ACCSL: variants seen among roughly 807,000 people sequenced by gnomAD.
The protein encoded by ACCSL is 1-aminocyclopropane-1-carboxylate synthase homolog (inactive) like.
Under a neutral mutation model 61.7 loss-of-function variants are expected in ACCSL, and 55 were observed. That is an observed-to-expected ratio of 0.89 (90% CI 0.72 to 1.12). The LOEUF is 1.12. Ranked by LOEUF, ACCSL falls within the 50% of genes most tolerant of loss-of-function variation. The probability of loss-of-function intolerance (pLI) is 0.00; values close to 1 mark genes in which losing one functional copy is unlikely to be tolerated. For synonymous variants in ACCSL, 258 were observed against 264.3 expected, an observed-to-expected ratio of 0.98 and a Z score of 0.23; for missense variants, 632 against 698.0, an observed-to-expected ratio of 0.91 and a Z score of 1.07.
the ACCSL span, among the ~76,000 whole-genome samples, chr11:43,957,309 G>C: frequency 6.6e-6 from 1 of 151,700 alleles, no homozygotes; most frequent in Non-Finnish European, 1.5e-5. Flanking sequence ...AAGTGGGGTG[G>C]GGTGGGAGGA....
At chr11:43,933,446 C>T in the ACCSL span, 2 of 232,022 alleles carry the variant, frequency 8.6e-6, no homozygotes, top group African/African-American at 2.2e-5. Context: ...TCCCTCCCCT[C>T]TCTGGTCTTC....
At chr11:44,023,054 TTTTTTTTTC>T in the ACCSL span, among the ~76,000 whole-genome samples, 1 of 125,776 alleles carries the variant, frequency 8.0e-6, no homozygotes, top group Non-Finnish European at 1.7e-5. Context: ...TTTTTTTTTT[TTTTTTTTTC>T]GAGAAAGAGT....
the ACCSL span, among the ~76,000 whole-genome samples, chr11:43,929,616 A>G: frequency 6.6e-6 from 1 of 152,152 alleles, no homozygotes; most frequent in African/African-American, 2.4e-5. Flanking sequence ...CATGTTGGCC[A>G]GGCTGGTCTA....
At chr11:43,948,328 T>C in the ACCSL span, among the ~76,000 whole-genome samples, 2 of 150,498 alleles carry the variant, frequency 1.3e-5, no homozygotes, top group Non-Finnish European at 3.0e-5. Flanking sequence ...CACCATTCAG[T>C]GAGCACCTCC....
upstream of ACCSL, among the ~76,000 whole-genome samples, chr11:44,046,034 C>T (rs1272109451): frequency 1.3e-5 from 2 of 152,134 alleles, no homozygotes; most frequent in Non-Finnish European, 2.9e-5. Context: ...GAAGGCAAAA[C>T]CAAAGGAATC....
chr11:44,000,002 A>G, the ACCSL span, among the ~76,000 whole-genome samples: 66,997 of 152,140 alleles, frequency 0.44, 15,365 homozygotes, highest in Middle Eastern at 0.56. Flanking sequence ...GAAGGGGCCA[A>G]GCACGGTGTA....
the ACCSL span, chr11:43,944,893 G>A: frequency 1.3e-5 from 2 of 152,786 alleles, no homozygotes; most frequent in Non-Finnish European, 2.9e-5. Flanking sequence ...ACCCTGACAG[G>A]TTTAGGGCTC....
the ACCSL span, among the ~76,000 whole-genome samples, chr11:44,030,754 T>C: frequency 3.3e-5 from 5 of 152,172 alleles, no homozygotes; most frequent in African/African-American, 1.2e-4. Context: ...AAAATTCTTA[T>C]CTTGTTTGTG....
At chr11:43,982,085 G>A in the ACCSL span, among the ~76,000 whole-genome samples, 1 of 152,102 alleles carries the variant, frequency 6.6e-6, no homozygotes, top group Non-Finnish European at 1.5e-5. Flanking sequence ...GGGTGACAGA[G>A]CCCAAGCCTC....
the ACCSL span, among the ~76,000 whole-genome samples, chr11:44,027,834 G>T: frequency 6.6e-6 from 1 of 152,168 alleles, no homozygotes; most frequent in African/African-American, 2.4e-5. Context: ...TTAGGACAAG[G>T]CATATATATA....
the ACCSL span, among the ~76,000 whole-genome samples, chr11:43,992,054 C>CTTTTTTTTTTTTTT: frequency 1.8e-5 from 2 of 114,146 alleles, no homozygotes; most frequent in Non-Finnish European, 3.4e-5. Context: ...TTCTTTCTTT[C>CTTTTTTTTTTTTTT]TTTTTTTTTT....
the ACCSL span, among the ~76,000 whole-genome samples, chr11:43,940,967 G>A: frequency 2.0e-5 from 3 of 152,132 alleles, no homozygotes; most frequent in South Asian, 6.2e-4. Flanking sequence ...GGGACCTTGG[G>A]GCAAGTTTTC....
At chr11:43,956,350 C>A in the ACCSL span, among the ~76,000 whole-genome samples, 18 of 152,092 alleles carry the variant, frequency 1.2e-4, no homozygotes, top group African/African-American at 3.6e-4. Flanking sequence ...CTGCTTTAGG[C>A]TAAACTTGAT....
At chr11:44,035,509 A>G in the ACCSL span, among the ~76,000 whole-genome samples, 2,768 of 152,280 alleles carry the variant, frequency 0.018, 97 homozygotes, top group African/African-American at 0.063. Flanking sequence ...CTTGGCATCT[A>G]CGGTATGCTC....
At chr11:44,057,585 T>C (rs985772673) in intron 11 of ACCSL, among the ~76,000 whole-genome samples, 4 of 152,230 alleles carry the variant, frequency 2.6e-5, no homozygotes, top group Non-Finnish European at 5.9e-5. Flanking sequence ...TTCTGTTCTA[T>C]GAATGCAGAG....
the ACCSL span, chr11:43,945,291 G>A: frequency 3.9e-5 from 6 of 152,424 alleles, no homozygotes; most frequent in African/African-American, 1.4e-4. Context: ...TGCCACCACT[G>A]GACTAGTTTG....
In ACCSL at chr11:44,058,708, A is replaced by C; in HGVS notation, c.1624+9A>C. Reference sequence around the variant, plus strand: ...CCCCCGGCTAAAATTGGGTGAGTGGAGCTGACCTCCCAATCCTTTAAAGAC... The same window carrying C: ...CCCCCGGCTAAAATTGGGTGAGTGGCGCTGACCTCCCAATCCTTTAAAGAC... On this transcript the variant is annotated intron_variant, in intron 13 of 13. Coordinates refer to ENST00000378832, the MANE Select transcript of ACCSL (RefSeq NM_001031854.2). 1 of 1,605,636 alleles carries C rather than the reference A, an allele frequency of 6.2e-7. No homozygotes were observed. The highest frequency in any genetic ancestry group is 1.7e-5 in the Admixed American group (1 of 59,446).
At chr11:43,931,460 C>T in the ACCSL span, among the ~76,000 whole-genome samples, 1 of 152,198 alleles carries the variant, frequency 6.6e-6, no homozygotes, top group Non-Finnish European at 1.5e-5. Flanking sequence ...GCCCACTGAA[C>T]CCCTCCCTGG....
chr11:44,016,642 G>T, the ACCSL span, among the ~76,000 whole-genome samples: 797 of 152,246 alleles, frequency 5.2e-3, 9 homozygotes, highest in African/African-American at 0.018. Context: ...TTGAAGGGTG[G>T]TTGGACCAAG....
Sources: gnomAD v4.1 joint callset for allele counts (sites outside exome capture counted in the v4.1 genomes callset) on GRCh38, gnomAD v4.1.1 for gene constraint, MANE v1.5 for transcripts, NCBI Gene and HGNC (gene_info 2026-07-23, HGNC 2026-07-21) for gene names.